LNX1: variants seen among roughly 807,000 people sequenced by gnomAD.
LNX1 encodes E3 ubiquitin-protein ligase LNX.
A neutral mutation model predicts 68.4 loss-of-function variants in LNX1; 54 were observed. The ratio of observed to expected loss-of-function variants is 0.79; its 90% CI spans 0.63 to 0.99. LNX1 has a LOEUF of 0.99. Ranked by LOEUF, LNX1 falls within the 50% of genes least tolerant of loss-of-function variation. The pLI is 0.00. For missense variants in LNX1, 906 were observed against 926.4 expected (o/e 0.98, Z 0.29); for synonymous variants, 336 against 350.0 (o/e 0.96, Z 0.45).
At chr4:53,483,389 T>C (rs1013136445) in intron 6 of LNX1, among the ~76,000 whole-genome samples, 2 of 152,180 alleles carry the variant, frequency 1.3e-5, no homozygotes, top group African/African-American at 2.4e-5. Context: ...CATTTACAAA[T>C]TGTCTTTCTG....
At chr4:53,598,695 A>T (rs993847298) in intron 2 of LNX1, among the ~76,000 whole-genome samples, 1 of 152,208 alleles carries the variant, frequency 6.6e-6, no homozygotes, top group African/African-American at 2.4e-5. Flanking sequence ...CAAGGGAAGG[A>T]ATGGAGGAAG....
At chr4:53,467,918 C>A (rs1449581817) in intron 9 of LNX1, among the ~76,000 whole-genome samples, 1 of 152,216 alleles carries the variant, frequency 6.6e-6, no homozygotes, top group African/African-American at 2.4e-5. Flanking sequence ...AAACACTCTG[C>A]AAGATAATAT....
intron 2 of LNX1, among the ~76,000 whole-genome samples, chr4:53,545,006 A>T (rs1729010294): frequency 6.6e-6 from 1 of 152,186 alleles, no homozygotes; most frequent in Non-Finnish European, 1.5e-5. Flanking sequence ...AGGTGGAGGG[A>T]GTGGTACCCA....
rs754510150 is a variant in LNX1 at position 53,461,050 on chromosome 4, A to G, written c.2052-8T>C. The G allele has an allele frequency of 2.0e-5, 31 of 1,550,970 alleles. No individual in the cohort carries two copies. The highest frequency in any genetic ancestry group is 7.0e-5 in the African/African-American group (5 of 71,006). On this transcript the variant is annotated splice_polypyrimidine_tract_variant and splice_region_variant and intron_variant, in intron 10 of 10. Coordinates refer to ENST00000263925, the MANE Select transcript of LNX1 (RefSeq NM_001126328.3). Reference sequence around the variant, plus strand: ...AGAAGAATATCACCACATCTAAAAAAAAAAACAAAACAAGATATGATTAGT... The same window carrying G: ...AGAAGAATATCACCACATCTAAAAAGAAAAACAAAACAAGATATGATTAGT...
At chr4:53,533,957 A>G (rs1728195193) in intron 2 of LNX1, among the ~76,000 whole-genome samples, 1 of 152,234 alleles carries the variant, frequency 6.6e-6, no homozygotes, top group Admixed American at 6.5e-5. Context: ...ACTGGCAGCC[A>G]ACTGACACAT....
At chr4:53,531,911 T>G (rs1030289138) in intron 2 of LNX1, among the ~76,000 whole-genome samples, 9 of 152,210 alleles carry the variant, frequency 5.9e-5, no homozygotes, top group African/African-American at 1.9e-4. Flanking sequence ...GAGGAATGTT[T>G]AGGGAACAGA....
At chr4:53,473,972 C>A (rs538404416) in intron 9 of LNX1, among the ~76,000 whole-genome samples, 6 of 152,102 alleles carry the variant, frequency 3.9e-5, no homozygotes, top group South Asian at 2.1e-4. Context: ...GTAAAAAGAC[C>A]AAGCCACATA....
chr4:53,576,221 G>T (rs201663477), intron 1 of LNX1: 1 of 1,602,006 alleles, frequency 6.2e-7, no homozygotes. Context: ...GCCCTGGCTC[G>T]CTTCCTGCAG....
intron 4 of LNX1, chr4:53,501,729 T>C (rs796395112): frequency 1.1e-4 from 17 of 152,232 alleles, no homozygotes; most frequent in African/African-American, 4.1e-4. Context: ...TAACTGTAGG[T>C]TGCTGAAGCA....
chr4:53,592,528 A>G (rs1732556442), upstream of LNX1, among the ~76,000 whole-genome samples: 1 of 152,164 alleles, frequency 6.6e-6, no homozygotes, highest in Non-Finnish European at 1.5e-5. Flanking sequence ...CCTGGAACTC[A>G]TTACCTGAGG....
chr4:53,575,434 A>C (rs1209340047), intron 1 of LNX1: 1 of 897,184 alleles, frequency 1.1e-6, no homozygotes, highest in Admixed American at 6.2e-5. Flanking sequence ...TCAAGCGCCA[A>C]CTCTGAGCTA....
chr4:53,634,427 A>G (rs1239201917), intron 1 of LNX1, among the ~76,000 whole-genome samples: 1 of 151,922 alleles, frequency 6.6e-6, no homozygotes, highest in African/African-American at 2.4e-5. Flanking sequence ...GTATTTTAGT[A>G]GAGACGGGGT....
chr4:53,629,844 C>T lies in LNX1; in HGVS notation c.-215+22324G>A, dbSNP rs115043341. Among the ~76,000 whole-genome samples, 894 of 152,182 alleles carry T rather than the reference C, an allele frequency of 5.9e-3. 8 individuals carry two copies. The highest frequency in any genetic ancestry group is 0.02 in the African/African-American group (851 of 41,524). On this transcript the variant is annotated intron_variant, in intron 1 of 2. Coordinates refer to the LNX1 transcript ENST00000507168. The stretch of plus-strand genomic sequence containing the variant: ...TTATTTTTAAAAAATATTGCAGGTA[C>T]GCCTTGGTTTGATTTTTAAAATGAG...
intron 2 of LNX1, among the ~76,000 whole-genome samples, chr4:53,525,577 G>T (rs1434123093): frequency 6.6e-6 from 1 of 152,192 alleles, no homozygotes; most frequent in African/African-American, 2.4e-5. Flanking sequence ...TGCCTCAGTC[G>T]AAGTTCACTG....
chr4:53,518,998 T>C (rs1288768534), intron 2 of LNX1, among the ~76,000 whole-genome samples: 1 of 152,156 alleles, frequency 6.6e-6, no homozygotes, highest in Non-Finnish European at 1.5e-5. Context: ...GTGGTGAGCA[T>C]CACACTGCCA....
chr4:53,636,905 G>T (rs2668527), intron 1 of LNX1, among the ~76,000 whole-genome samples: 22,527 of 151,428 alleles, frequency 0.15, 2,153 homozygotes, highest in Admixed American at 0.25. Context: ...TGGAGTGAAG[G>T]TGTTATACAC....
At chr4:53,585,032 G>T (rs917521292) in intron 1 of LNX1, among the ~76,000 whole-genome samples, 2 of 152,156 alleles carry the variant, frequency 1.3e-5, no homozygotes, top group African/African-American at 4.8e-5. Context: ...GGTGGTAAAA[G>T]ATCTACCCAG....
chr4:53,593,809 C>G (rs1560686465), upstream of LNX1: 1 of 150,094 alleles, frequency 6.7e-6, no homozygotes, highest in Non-Finnish European at 1.5e-5. Context: ...ATACAAGAAC[C>G]CTGTGTCAGG....
intron 2 of LNX1, among the ~76,000 whole-genome samples, chr4:53,522,499 C>T (rs1483182345): frequency 2.0e-5 from 3 of 152,140 alleles, no homozygotes; most frequent in Non-Finnish European, 4.4e-5. Flanking sequence ...AGTGCTGGGA[C>T]CTTAGGGTTT....
Sources: gnomAD v4.1 joint callset for allele counts (sites outside exome capture counted in the v4.1 genomes callset) on GRCh38, gnomAD v4.1.1 for gene constraint, MANE v1.5 for transcripts, NCBI Gene and HGNC (gene_info 2026-07-23, HGNC 2026-07-21) for gene names.